The following LRIF1 variants were observed in gnomAD, a reference collection of about 807,000 sequenced individuals.
The protein encoded by LRIF1 is ligand-dependent nuclear receptor-interacting factor 1.
A neutral mutation model predicts 52.7 loss-of-function variants in LRIF1; 32 were observed. The observed-to-expected ratio is 0.61, with a 90% CI of 0.46 to 0.82. The LOEUF is 0.82. LRIF1 is among the 40% of genes least tolerant of loss of function. The pLI is 0.00. For missense variants in LRIF1, 887 were observed against 892.0 expected, an observed-to-expected ratio of 0.99 and a Z score of 0.07; for synonymous variants, 323 against 317.4, an observed-to-expected ratio of 1.02 and a Z score of -0.19.
downstream of LRIF1, chr1:110,944,648 G>GA (rs1215149439): frequency 6.6e-6 from 1 of 152,122 alleles, no homozygotes; most frequent in Non-Finnish European, 1.5e-5. Context: ...GAAGTGAAAT[G>GA]AAAGTATATC....
chr1:110,878,102 C>T, the LRIF1 span, among the ~76,000 whole-genome samples: 1 of 152,166 alleles, frequency 6.6e-6, no homozygotes, highest in East Asian at 1.9e-4. Context: ...TGCCAGTCCT[C>T]GGCTTCTCTA....
At chr1:110,918,509 A>AT in the LRIF1 span, among the ~76,000 whole-genome samples, 1 of 152,188 alleles carries the variant, frequency 6.6e-6, no homozygotes, top group African/African-American at 2.4e-5. Context: ...AAAGAAAAAA[A>AT]CTCAGGAGAT....
the LRIF1 span, among the ~76,000 whole-genome samples, chr1:110,913,125 A>G: frequency 6.6e-6 from 1 of 152,266 alleles, no homozygotes; most frequent in African/African-American, 2.4e-5. Context: ...CATATACACA[A>G]GACTGAAACT....
chr1:110,954,153 C>T (rs1420669617), intron 1 of LRIF1, among the ~76,000 whole-genome samples: 1 of 152,052 alleles, frequency 6.6e-6, no homozygotes, highest in Non-Finnish European at 1.5e-5. Context: ...AAAATCAATA[C>T]CCAAAATTCT....
the LRIF1 span, among the ~76,000 whole-genome samples, chr1:110,889,674 ACCAC>A: frequency 4.6e-5 from 7 of 152,176 alleles, no homozygotes; most frequent in Admixed American, 3.3e-4. Flanking sequence ...AATATTCACA[ACCAC>A]CCTATAAGGG....
chr1:110,896,804 T>C, the LRIF1 span: 1 of 1,330,882 alleles, frequency 7.5e-7, no homozygotes, highest in Non-Finnish European at 1.1e-6. Flanking sequence ...GAAACTGCAG[T>C]CATAGAGGAC....
At chr1:110,889,589 A>AATAG in the LRIF1 span, among the ~76,000 whole-genome samples, 4 of 151,822 alleles carry the variant, frequency 2.6e-5, no homozygotes, top group Admixed American at 6.6e-5. Flanking sequence ...TAAATAAATA[A>AATAG]AGACTAAATA....
At chr1:110,909,346 C>T in the LRIF1 span, among the ~76,000 whole-genome samples, 10 of 152,224 alleles carry the variant, frequency 6.6e-5, no homozygotes, top group African/African-American at 2.2e-4. Flanking sequence ...CAGCCAACAA[C>T]ATAATGGCAG....
chr1:110,922,889 C>T, the LRIF1 span, among the ~76,000 whole-genome samples: 1 of 152,232 alleles, frequency 6.6e-6, no homozygotes, highest in Non-Finnish European at 1.5e-5. Flanking sequence ...GGCCACATCA[C>T]TCCAGACTCT....
the LRIF1 span, among the ~76,000 whole-genome samples, chr1:110,900,654 A>AT: frequency 2.5e-3 from 383 of 151,780 alleles, 1 homozygote; most frequent in African/African-American, 8.9e-3. Context: ...GGCATGAGCC[A>AT]CGCCACAGTT....
chr1:110,913,930 G>GT, the LRIF1 span, among the ~76,000 whole-genome samples: 1 of 152,024 alleles, frequency 6.6e-6, no homozygotes, highest in East Asian at 1.9e-4. Flanking sequence ...AGAAAATGTG[G>GT]TACTTATACA....
the LRIF1 span, among the ~76,000 whole-genome samples, chr1:110,913,280 A>G: frequency 6.6e-6 from 1 of 152,228 alleles, no homozygotes; most frequent in Non-Finnish European, 1.5e-5. Context: ...ATTTCATGAT[A>G]AAGTGCCCAG....
At chr1:110,935,044 C>T in the LRIF1 span, among the ~76,000 whole-genome samples, 91 of 152,136 alleles carry the variant, frequency 6.0e-4, no homozygotes, top group African/African-American at 2.1e-3. Flanking sequence ...GGAGCCTCTG[C>T]CTAGTAATCC....
chr1:110,917,507 A>G, the LRIF1 span, among the ~76,000 whole-genome samples: 1 of 152,144 alleles, frequency 6.6e-6, no homozygotes, highest in Non-Finnish European at 1.5e-5. Context: ...TTGTACCACA[A>G]TCTCTGTCTT....
chr1:110,922,635 A>G, the LRIF1 span, among the ~76,000 whole-genome samples: 62 of 152,336 alleles, frequency 4.1e-4, 1 homozygote, highest in South Asian at 0.012. Flanking sequence ...AATAATACAA[A>G]TTGTTTTCAA....
the LRIF1 span, among the ~76,000 whole-genome samples, chr1:110,923,441 C>T: frequency 3.9e-5 from 6 of 151,964 alleles, no homozygotes; most frequent in Non-Finnish European, 7.4e-5. Flanking sequence ...AATAAATGAA[C>T]ATTTACCAAA....
At chr1:110,902,495 T>TAAAAAAAGAAAA in the LRIF1 span, among the ~76,000 whole-genome samples, 4 of 72,654 alleles carry the variant, frequency 5.5e-5, no homozygotes, top group African/African-American at 2.8e-4. Flanking sequence ...AATCAATCAC[T>TAAAAAAAGAAAA]AAAAAAAAAA....
the LRIF1 span, among the ~76,000 whole-genome samples, chr1:110,906,147 A>G: frequency 5.3e-5 from 8 of 152,206 alleles, no homozygotes; most frequent in African/African-American, 1.9e-4. Flanking sequence ...AAATGTAAAC[A>G]TTTACAGATA....
intron 1 of LRIF1, among the ~76,000 whole-genome samples, chr1:110,956,474 A>G (rs1318344658): frequency 6.6e-6 from 1 of 152,226 alleles, no homozygotes; most frequent in Non-Finnish European, 1.5e-5. Flanking sequence ...AAGTATAGGG[A>G]TAAAATAAAG....
Sources: gnomAD v4.1 joint callset for allele counts (sites outside exome capture counted in the v4.1 genomes callset) on GRCh38, gnomAD v4.1.1 for gene constraint, MANE v1.5 for transcripts, NCBI Gene and HGNC (gene_info 2026-07-23, HGNC 2026-07-21) for gene names.